Variants in PDZRN4 observed in about 807,000 individuals in gnomAD.
PDZRN4 encodes the protein PDZ domain containing ring finger 4.
A neutral mutation model predicts 99.0 loss-of-function variants in PDZRN4; 70 were observed. The observed-to-expected ratio is 0.71, with a 90% CI of 0.58 to 0.86. PDZRN4 has a LOEUF of 0.86. PDZRN4 is among the 40% of genes least tolerant of loss of function. The probability of loss-of-function intolerance (pLI) is 0.00; values close to 1 mark genes in which losing one functional copy is unlikely to be tolerated. For missense variants in PDZRN4, 1,474 were observed against 1,331.2 expected (o/e 1.11, Z -1.67); for synonymous variants, 551 against 501.6 (o/e 1.10, Z -1.32).
At chr12:41,407,998 T>G (rs551556841) in intron 3 of PDZRN4, among the ~76,000 whole-genome samples, 1 of 152,368 alleles carries the variant, frequency 6.6e-6, no homozygotes, top group South Asian at 2.1e-4. Flanking sequence ...TGCAGCCCGT[T>G]GACTTAACAT....
At chr12:41,555,231 A>AG (rs1383809389) in intron 6 of PDZRN4, among the ~76,000 whole-genome samples, 2 of 85,980 alleles carry the variant, frequency 2.3e-5, no homozygotes, top group Non-Finnish European at 4.0e-5. Flanking sequence ...ACTCTGTCTC[A>AG]AAAAAAAAAA....
chr12:41,496,491 A>G (rs372395256), intron 3 of PDZRN4, among the ~76,000 whole-genome samples: 166 of 152,196 alleles, frequency 1.1e-3, no homozygotes, highest in African/African-American at 3.9e-3. Flanking sequence ...CTAGTCCCCA[A>G]AACTGTGTTT....
chr12:41,390,469 A>G (rs1384645436), intron 3 of PDZRN4, among the ~76,000 whole-genome samples: 1 of 143,602 alleles, frequency 7.0e-6, no homozygotes, highest in Admixed American at 7.2e-5. Context: ...AGAACAAACT[A>G]GAGGGTATTT....
At chr12:41,474,260 A>G (rs1953019905) in intron 3 of PDZRN4, among the ~76,000 whole-genome samples, 1 of 152,244 alleles carries the variant, frequency 6.6e-6, no homozygotes, top group African/African-American at 2.4e-5. Flanking sequence ...ACCCAACTGA[A>G]GAAATTATCA....
In PDZRN4 at chr12:41,230,460, A is replaced by G. The variant is rs552829496; in HGVS notation, c.843+36272A>G. ...ATACAAAACAAAAATCATGCCACCC[A>G]ATCAAAGGTCATATTTGTGATTTCT... On this transcript the variant is annotated intron_variant, in intron 3 of 9. Coordinates refer to ENST00000402685, the MANE Select transcript of PDZRN4 (RefSeq NM_001164595.2). Among the ~76,000 whole-genome samples, 10 of 152,104 alleles carry G rather than the reference A, an allele frequency of 6.6e-5. 1 individual carries two copies. In the South Asian group the frequency reaches 1.0e-3, roughly 16 times the overall value.
At chr12:41,417,619 A>G (rs1952455571) in intron 3 of PDZRN4, among the ~76,000 whole-genome samples, 2 of 152,210 alleles carry the variant, frequency 1.3e-5, no homozygotes, top group African/African-American at 4.8e-5. Flanking sequence ...AACTCCTATT[A>G]TAGCAATAAT....
chr12:41,253,611 C>T (rs904259361), intron 3 of PDZRN4, among the ~76,000 whole-genome samples: 4 of 152,140 alleles, frequency 2.6e-5, no homozygotes, highest in African/African-American at 9.6e-5. Flanking sequence ...ACTAAAACTT[C>T]CATATGATCC....
chr12:41,494,587 ATT>A (rs35164071), intron 3 of PDZRN4, among the ~76,000 whole-genome samples: 8 of 149,140 alleles, frequency 5.4e-5, no homozygotes, highest in African/African-American at 2.0e-4. Context: ...CATTTACTTT[ATT>A]TTTTTTTTGC....
chr12:41,348,139 G>C (rs1010541545), intron 3 of PDZRN4, among the ~76,000 whole-genome samples: 1 of 152,084 alleles, frequency 6.6e-6, no homozygotes, highest in Admixed American at 6.6e-5. Flanking sequence ...TAAAGGTAAA[G>C]TTTTGGGAGA....
chr12:41,474,441 A>G (rs752784925), intron 3 of PDZRN4, among the ~76,000 whole-genome samples: 9 of 152,250 alleles, frequency 5.9e-5, no homozygotes, highest in Admixed American at 3.3e-4. Flanking sequence ...TGAGTGTGCT[A>G]TTATTATTCT....
intron 5 of PDZRN4, among the ~76,000 whole-genome samples, chr12:41,551,443 T>TAA (rs1555152381): frequency 6.6e-6 from 1 of 151,832 alleles, no homozygotes; most frequent in Non-Finnish European, 1.5e-5. Context: ...TCATAATCTT[T>TAA]ACACACACAC....
At position 41,189,056 on chromosome 12, in the gene PDZRN4, G is replaced by A. The variant is rs1331326661; in HGVS notation, c.601G>A (p.Ala201Thr). ...CCAGGAGAAGTTCACCCAATACATGGCTCACGTCCGCAACTTCGTCGGCGA... is the reference window on the plus strand; with the variant it reads ...CCAGGAGAAGTTCACCCAATACATGACTCACGTCCGCAACTTCGTCGGCGA... Reference protein sequence around the residue: ...RYQEKFTQYMAHVRNFVGDLG... With the variant: ...RYQEKFTQYMTHVRNFVGDLG... The change falls in exon 1 of 10, where the codon GCT (alanine) becomes ACT (threonine). Residue 201 changes from alanine (A) to threonine (T), a missense_variant. Coordinates refer to ENST00000402685, the MANE Select transcript of PDZRN4 (RefSeq NM_001164595.2). The A allele has an allele frequency of 6.3e-7, 1 of 1,578,662 alleles. No homozygotes were observed. Among genetic ancestry groups the A allele is most frequent in the Admixed American group, 1.7e-5 (1 of 57,288 alleles).
At chr12:41,318,765 G>A (rs145745974) in intron 3 of PDZRN4, among the ~76,000 whole-genome samples, 63 of 152,252 alleles carry the variant, frequency 4.1e-4, no homozygotes, top group Non-Finnish European at 7.4e-4. Context: ...TGTAATGTGA[G>A]TGGGGACAGG....
At chr12:41,411,976 A>C (rs970756231) in intron 3 of PDZRN4, 1 of 152,198 alleles carries the variant, frequency 6.6e-6, no homozygotes. Flanking sequence ...GGTGTCTGCT[A>C]TACATTTATA....
chr12:41,520,892 G>T (rs1938483520), intron 5 of PDZRN4, among the ~76,000 whole-genome samples: 1 of 152,098 alleles, frequency 6.6e-6, no homozygotes, highest in Non-Finnish European at 1.5e-5. Flanking sequence ...AAGGCACAAA[G>T]CTGATAACCA....
chr12:41,460,211 C>A, intron 3 of PDZRN4: 1 of 577,892 alleles, frequency 1.7e-6, no homozygotes, highest in Non-Finnish European at 2.5e-6. Context: ...ATATCCTAGT[C>A]AGGTAGGTTT....
At chr12:41,478,017 G>C in intron 3 of PDZRN4, 1 of 771,712 alleles carries the variant, frequency 1.3e-6, no homozygotes. Context: ...AAATGTGGCT[G>C]CTTTGGTCTT....
At chr12:41,399,513 T>C (rs1017119851) in intron 3 of PDZRN4, among the ~76,000 whole-genome samples, 1 of 152,150 alleles carries the variant, frequency 6.6e-6, no homozygotes, top group African/African-American at 2.4e-5. Flanking sequence ...GGCAGGTGGA[T>C]CACCTGAGGT....
At chr12:41,268,919 C>T (rs1473226516) in intron 3 of PDZRN4, among the ~76,000 whole-genome samples, 2 of 152,090 alleles carry the variant, frequency 1.3e-5, no homozygotes, top group African/African-American at 4.8e-5. Flanking sequence ...TCATTTTGTG[C>T]CTTGCCTTAT....
Sources: gnomAD v4.1 joint callset for allele counts (sites outside exome capture counted in the v4.1 genomes callset) on GRCh38, gnomAD v4.1.1 for gene constraint, MANE v1.5 for transcripts, NCBI Gene and HGNC (gene_info 2026-07-23, HGNC 2026-07-21) for gene names.